EYS: variants seen among roughly 807,000 people sequenced by gnomAD.
EYS encodes the protein EGF-like photoreceptor maintenance factor.
In EYS, 250 loss-of-function variants were observed where a neutral mutation model predicts 282.1. The ratio of observed to expected loss-of-function variants is 0.89; its 90% confidence interval spans 0.80 to 0.98. The LOEUF (loss-of-function observed/expected upper bound fraction) is 0.98, where lower values mean the gene tolerates loss of function less well. Ranked by LOEUF, EYS falls within the 50% of genes least tolerant of loss-of-function variation. The probability of loss-of-function intolerance (pLI) is 0.00; values close to 1 mark genes in which losing one functional copy is unlikely to be tolerated. For synonymous variants in EYS, 1,355 were observed against 1,282.9 expected, an observed-to-expected ratio of 1.06 and a Z score of -1.20; for missense variants, 4,016 against 3,709.0, an observed-to-expected ratio of 1.08 and a Z score of -2.15.
chr6:65,385,866 T>C (rs918741442), intron 7 of EYS, among the ~76,000 whole-genome samples: 4 of 151,920 alleles, frequency 2.6e-5, no homozygotes, highest in African/African-American at 4.8e-5. Context: ...TAATGAAAGG[T>C]AGCAACCCTT....
chr6:65,032,896 G>A (rs1772648908), intron 13 of EYS, among the ~76,000 whole-genome samples: 1 of 150,922 alleles, frequency 6.6e-6, no homozygotes, highest in South Asian at 2.1e-4. Flanking sequence ...CTTAGAGATT[G>A]GTTAAATAAT....
At chr6:64,926,676 A>T (rs1768527578) in intron 15 of EYS, among the ~76,000 whole-genome samples, 1 of 151,964 alleles carries the variant, frequency 6.6e-6, no homozygotes, top group Admixed American at 6.6e-5. Context: ...TCTTATGTTG[A>T]TCTCCCGTGT....
chr6:64,191,968 C>T (rs1417216872), intron 31 of EYS, among the ~76,000 whole-genome samples: 1 of 146,280 alleles, frequency 6.8e-6, no homozygotes. Context: ...GTTCCTATTT[C>T]TCCACATCCT....
At chr6:64,170,866 C>T (rs1014145145) in intron 31 of EYS, among the ~76,000 whole-genome samples, 1 of 151,912 alleles carries the variant, frequency 6.6e-6, no homozygotes, top group Non-Finnish European at 1.5e-5. Context: ...TTTTTCCAAT[C>T]CCAACTTTTT....
intron 36 of EYS, among the ~76,000 whole-genome samples, chr6:63,860,230 A>T (rs1448402874): frequency 3.3e-5 from 5 of 152,192 alleles, no homozygotes; most frequent in African/African-American, 1.2e-4. Flanking sequence ...ATGCCTGTTG[A>T]TGTAAAAAAG....
At chr6:64,276,331 A>G (rs183100960) in intron 30 of EYS, among the ~76,000 whole-genome samples, 428 of 152,288 alleles carry the variant, frequency 2.8e-3, no homozygotes, top group Non-Finnish European at 4.5e-3. Flanking sequence ...CCTCTTTGCT[A>G]TCTTCCAAAA....
intron 41 of EYS, among the ~76,000 whole-genome samples, chr6:63,749,441 G>A (rs948739773): frequency 1.3e-5 from 2 of 152,170 alleles, no homozygotes; most frequent in Non-Finnish European, 2.9e-5. Context: ...ATGTGACAAT[G>A]AGAAGAATGT....
At chr6:65,688,102 C>G (rs1415966304) in intron 1 of EYS, among the ~76,000 whole-genome samples, 1 of 152,050 alleles carries the variant, frequency 6.6e-6, no homozygotes, top group African/African-American at 2.4e-5. Flanking sequence ...CATATGGAAC[C>G]AAAAATGAGC....
intron 12 of EYS, among the ~76,000 whole-genome samples, chr6:65,227,053 A>G (rs1373807782): frequency 1.3e-5 from 2 of 151,878 alleles, no homozygotes; most frequent in Admixed American, 1.3e-4. Flanking sequence ...TGATCAAAAT[A>G]GAGAATCCCA....
chr6:65,092,401 T>C (rs915643963), intron 12 of EYS, among the ~76,000 whole-genome samples: 1 of 152,174 alleles, frequency 6.6e-6, no homozygotes, highest in African/African-American at 2.4e-5. Context: ...TACTCATATA[T>C]TTACCAGCGC....
chr6:64,949,650 A>T (rs1326958753), intron 14 of EYS, among the ~76,000 whole-genome samples: 1 of 151,900 alleles, frequency 6.6e-6, no homozygotes, highest in Non-Finnish European at 1.5e-5. Flanking sequence ...ATATAATATA[A>T]TCATGGAAGA....
At chr6:64,762,313 CT>C (rs1773185092) in intron 22 of EYS, among the ~76,000 whole-genome samples, 1 of 152,140 alleles carries the variant, frequency 6.6e-6, no homozygotes, top group South Asian at 2.1e-4. Context: ...AAGGCAAAAG[CT>C]AACTACTATA....
intron 22 of EYS, among the ~76,000 whole-genome samples, chr6:64,699,027 A>T (rs1770686190): frequency 6.6e-6 from 1 of 152,180 alleles, no homozygotes; most frequent in African/African-American, 2.4e-5. Context: ...ATGCACGTGA[A>T]TGTTCACTGC....
intron 14 of EYS, among the ~76,000 whole-genome samples, chr6:64,979,496 G>A (rs558837367): frequency 3.3e-5 from 5 of 151,706 alleles, no homozygotes; most frequent in African/African-American, 1.2e-4. Context: ...GCATAATTCT[G>A]ACTGGGAATT....
chr6:65,036,816 T>C (rs1772785793), intron 13 of EYS, among the ~76,000 whole-genome samples: 2 of 151,786 alleles, frequency 1.3e-5, no homozygotes, highest in Non-Finnish European at 2.9e-5. Flanking sequence ...ATAACAGATG[T>C]CGGTGAGGTT....
At chr6:65,451,139 C>T (rs896929307) in intron 5 of EYS, among the ~76,000 whole-genome samples, 3 of 151,838 alleles carry the variant, frequency 2.0e-5, no homozygotes, top group African/African-American at 7.3e-5. Flanking sequence ...TTTTTCTATT[C>T]TATTAATCTA....
At chr6:65,192,220 GA>G (rs1384200772) in intron 12 of EYS, among the ~76,000 whole-genome samples, 1 of 150,722 alleles carries the variant, frequency 6.6e-6, no homozygotes, top group Non-Finnish European at 1.5e-5. Context: ...CACTCAATTA[GA>G]AAAAATATGG....
At chr6:64,281,966 G>A (rs1768324741) in intron 30 of EYS, among the ~76,000 whole-genome samples, 3 of 152,102 alleles carry the variant, frequency 2.0e-5, no homozygotes, top group African/African-American at 7.2e-5. Context: ...TAAAATTGAT[G>A]TAACTTACTG....
intron 29 of EYS, among the ~76,000 whole-genome samples, chr6:64,342,186 C>T (rs1222062642): frequency 1.4e-4 from 21 of 151,510 alleles, no homozygotes; most frequent in Admixed American, 1.4e-3. Flanking sequence ...CTGTGTCATT[C>T]ATTGGTGGTA....
Sources: allele counts gnomAD v4.1 joint callset (sites outside exome capture counted in the v4.1 genomes callset), GRCh38; gene constraint gnomAD v4.1.1; transcripts MANE v1.5; gene names NCBI Gene and HGNC (gene_info 2026-07-23, HGNC 2026-07-21).